The following PRKN variants were observed in gnomAD, a reference collection of about 807,000 sequenced individuals.
The protein encoded by PRKN is parkin RBR E3 ubiquitin protein ligase, also known as E3 ubiquitin-protein ligase parkin.
A neutral mutation model predicts 59.5 loss-of-function variants in PRKN; 56 were observed. The observed-to-expected ratio is 0.94, with a 90% CI of 0.76 to 1.18. The LOEUF is 1.18. PRKN is among the 50% of genes most tolerant of loss of function. PRKN has a pLI of 0.00. For missense variants in PRKN, 657 were observed against 596.4 expected (o/e 1.10, Z -1.06); for synonymous variants, 250 against 222.1 (o/e 1.13, Z -1.12).
chr6:161,399,083 T>A lies in PRKN; in HGVS notation c.1084-12206A>T, dbSNP rs915598197. ...GGAGAGAAGAGAAGGAATATCTGAATGTCGAGAGGAGTTCTGCTGCAGACA... is the reference window on the plus strand; with the variant it reads ...GGAGAGAAGAGAAGGAATATCTGAAAGTCGAGAGGAGTTCTGCTGCAGACA... On this transcript the variant is annotated intron_variant, in intron 9 of 11. Coordinates refer to ENST00000366898, the MANE Select transcript of PRKN (RefSeq NM_004562.3). The surrounding 1 kb of genome is among the most constrained non-coding windows in gnomAD (Gnocchi z 4.4). Among the ~76,000 whole-genome samples the A allele has an allele frequency of 3.3e-5, 5 of 152,088 alleles. No homozygotes were observed. The highest frequency in any genetic ancestry group is 1.3e-4 in the Admixed American group (2 of 15,272).
At chr6:162,719,316 A>G (rs760641623) in intron 1 of PRKN, among the ~76,000 whole-genome samples, 4 of 152,170 alleles carry the variant, frequency 2.6e-5, no homozygotes, top group Non-Finnish European at 5.9e-5. Flanking sequence ...ACCTCAGAGA[A>G]CATGACCTCA....
rs564235239 is a variant in PRKN, at chr6:161,769,596, A to T, written c.871+16176T>A. On this transcript the variant is annotated intron_variant, in intron 7 of 11. Transcript: ENST00000366898. ...CTCTACTCAAGGGTCCATTACTGAG[A>T]CTCCCTCGAAGGTATATATAGCCAA... is the stretch of plus-strand genomic sequence containing the variant. Among the ~76,000 whole-genome samples the T allele has an allele frequency of 7.9e-5, 12 of 151,898 alleles. No individual in the cohort carries two copies. The South Asian group carries it at 2.5e-3, about 32-fold the overall frequency.
intron 1 of PRKN, among the ~76,000 whole-genome samples, chr6:162,699,755 T>C (rs1778086988): frequency 6.6e-6 from 1 of 152,140 alleles, no homozygotes; most frequent in African/African-American, 2.4e-5. Context: ...AGGGTCTCTG[T>C]GACCTTCCTC....
At chr6:161,392,771 T>TA (rs5881403) in intron 9 of PRKN, among the ~76,000 whole-genome samples, 90,799 of 148,880 alleles carry the variant, frequency 0.61, 27,937 homozygotes, top group East Asian at 0.82. Flanking sequence ...AGGTATAGAA[T>TA]AAAAAAAAAA....
At chr6:162,413,211 G>T (rs1053665034) in intron 2 of PRKN, among the ~76,000 whole-genome samples, 1 of 151,834 alleles carries the variant, frequency 6.6e-6, no homozygotes, top group African/African-American at 2.4e-5. Context: ...TGTACAGTCT[G>T]TTTTTTTTAT....
intron 1 of PRKN, among the ~76,000 whole-genome samples, chr6:162,461,499 C>CAAAAAAAAAAAAAAA (rs780424226): frequency 2.4e-3 from 88 of 36,522 alleles, no homozygotes; most frequent in South Asian, 4.8e-3. Context: ...TAAAGTGTCT[C>CAAAAAAAAAAAAAAA]AAAAAAAAAA....
chr6:162,173,394 T>C (rs951426517), intron 4 of PRKN, among the ~76,000 whole-genome samples: 3 of 152,190 alleles, frequency 2.0e-5, no homozygotes, highest in Admixed American at 6.5e-5. Flanking sequence ...AGACAATTCA[T>C]TGTTCTTTAG....
Position 161,353,014 on chromosome 6 carries a change from G to GT in PRKN, c.1286-2804dup, listed in dbSNP as rs1253083042. On this transcript the variant is annotated intron_variant, in intron 11 of 11. Coordinates refer to ENST00000366898, the MANE Select transcript of PRKN (RefSeq NM_004562.3). The surrounding 1 kb of genome is among the most constrained non-coding windows in gnomAD (Gnocchi z 4.8). ...AGGCTGGTCTCAAACTCCTGACCTCGTGATCTGCCTGCCTTGGCCTCCCAA... is the reference window on the plus strand; with the variant it reads ...AGGCTGGTCTCAAACTCCTGACCTCGTTGATCTGCCTGCCTTGGCCTCCCAA... Among the ~76,000 whole-genome samples, 1 of 151,980 alleles carries GT rather than the reference G, an allele frequency of 6.6e-6. No homozygotes were observed. Among genetic ancestry groups the GT allele is most frequent in the Non-Finnish European group, 1.5e-5 (1 of 67,996 alleles).
chr6:161,652,971 C>T (rs997403051), intron 7 of PRKN, among the ~76,000 whole-genome samples: 1 of 152,190 alleles, frequency 6.6e-6, no homozygotes, highest in Middle Eastern at 3.2e-3. Flanking sequence ...TGCAATTAAC[C>T]ATAAATCCTT....
intron 2 of PRKN, among the ~76,000 whole-genome samples, chr6:162,263,602 A>G (rs1213106034): frequency 6.6e-6 from 1 of 152,208 alleles, no homozygotes; most frequent in Non-Finnish European, 1.5e-5. Flanking sequence ...ATTAAAAGTC[A>G]GATTATTTGC....
Position 161,468,108 on chromosome 6 carries a change from G to T in PRKN, c.1083+80746C>A, listed in dbSNP as rs1790572123. Reference sequence around the variant, plus strand: ...CTGCCTCAGCCTCCTGAGTAGCTGGGATTATAGGCACGCACCACCACACCT... The same window carrying T: ...CTGCCTCAGCCTCCTGAGTAGCTGGTATTATAGGCACGCACCACCACACCT... On this transcript the variant is annotated intron_variant, in intron 9 of 11. Coordinates refer to ENST00000366898, the MANE Select transcript of PRKN (RefSeq NM_004562.3). This position sits in a 1 kb window ranked among gnomAD's most constrained non-coding sequence, Gnocchi z 5.9. Among the ~76,000 whole-genome samples the T allele has an allele frequency of 6.6e-6, 1 of 152,028 alleles. No homozygotes were observed. Among genetic ancestry groups the T allele is most frequent in the South Asian group, 2.1e-4 (1 of 4,812 alleles).
chr6:162,234,519 A>G (rs1778563878), intron 3 of PRKN, among the ~76,000 whole-genome samples: 1 of 152,184 alleles, frequency 6.6e-6, no homozygotes, highest in Non-Finnish European at 1.5e-5. Flanking sequence ...CGGTCTGCAG[A>G]CACTCAAGTC....
At position 162,288,579 on chromosome 6, in the gene PRKN, G is replaced by C. The variant is rs539202287; in HGVS notation, c.172-25814C>G. On this transcript the variant is annotated intron_variant, in intron 2 of 11. Transcript: ENST00000366898. ...TCACGTTCCTGCTAGGCTTGAAGAA[G>C]CAAGTCATCGTAAGTTCTACAGCTG... 1.3e-3 allele frequency among the ~76,000 whole-genome samples: 193 copies of C among 152,228 alleles called. 1 individual carries two copies. Among genetic ancestry groups the C allele is most frequent in the Middle Eastern group, 6.8e-3 (2 of 294 alleles).
chr6:162,508,089 G>A (rs549006882), intron 1 of PRKN, among the ~76,000 whole-genome samples: 2 of 152,290 alleles, frequency 1.3e-5, no homozygotes, highest in East Asian at 3.9e-4. Context: ...CCACATGGCT[G>A]GGAAAGCCTC....
chr6:162,440,506 G>T (rs1790000568), intron 2 of PRKN, among the ~76,000 whole-genome samples: 1 of 152,062 alleles, frequency 6.6e-6, no homozygotes, highest in Admixed American at 6.6e-5. Context: ...GTTTTCCTAG[G>T]ACACTCCCAA....
At chr6:162,533,601 G>A (rs1778598121) in intron 1 of PRKN, among the ~76,000 whole-genome samples, 2 of 152,100 alleles carry the variant, frequency 1.3e-5, no homozygotes, top group South Asian at 2.1e-4. Flanking sequence ...AAAACAGGCT[G>A]GCTTCAAATG....
At chr6:162,057,774 G>A (rs1562487989) in intron 4 of PRKN, among the ~76,000 whole-genome samples, 2 of 152,170 alleles carry the variant, frequency 1.3e-5, no homozygotes, top group East Asian at 3.8e-4. Flanking sequence ...AATATGACAG[G>A]AGCAAAGTTA....
At chr6:162,273,646 G>A (rs1452595360) in intron 2 of PRKN, among the ~76,000 whole-genome samples, 6 of 152,156 alleles carry the variant, frequency 3.9e-5, no homozygotes, top group Admixed American at 3.9e-4. Context: ...GCTGAAGAAG[G>A]TGAGAAGGAG....
chr6:162,265,128 T>C (rs1263611056), intron 2 of PRKN: 1 of 152,208 alleles, frequency 6.6e-6, no homozygotes, highest in African/African-American at 2.4e-5. Flanking sequence ...ACATCTCCCA[T>C]GTTCTTCAAG....
Sources: allele counts gnomAD v4.1 joint callset (sites outside exome capture counted in the v4.1 genomes callset), GRCh38; gene constraint gnomAD v4.1.1; non-coding constraint Gnocchi (gnomAD v3.1); transcripts MANE v1.5; gene names NCBI Gene and HGNC (gene_info 2026-07-23, HGNC 2026-07-21).